The following EYA1 variants were observed in gnomAD, a reference collection of about 807,000 sequenced individuals.
The protein encoded by EYA1 is EYA transcriptional coactivator and phosphatase 1, also known as protein phosphatase EYA1.
Under a neutral mutation model 82.0 loss-of-function variants are expected in EYA1, and 16 were observed. The observed-to-expected ratio is 0.20, with a 90% CI of 0.13 to 0.30. The LOEUF (loss-of-function observed/expected upper bound fraction) is 0.30. Ranked by LOEUF, EYA1 falls within the 10% of genes least tolerant of loss-of-function variation. The pLI, the probability that EYA1 is intolerant of heterozygous loss-of-function variation, is 1.00. For synonymous variants in EYA1, 261 were observed against 264.4 expected, an observed-to-expected ratio of 0.99 and a Z score of 0.12; for missense variants, 633 against 730.7, an observed-to-expected ratio of 0.87 and a Z score of 1.54.
intron 7 of EYA1, among the ~76,000 whole-genome samples, chr8:71,307,115 G>A (rs958757400): frequency 1.2e-4 from 18 of 152,064 alleles, no homozygotes; most frequent in African/African-American, 3.9e-4. Context: ...TGGTGGGGAG[G>A]GGGACAGTTT....
intron 1 of EYA1, among the ~76,000 whole-genome samples, chr8:71,541,145 A>G (rs1815105820): frequency 6.6e-6 from 1 of 152,172 alleles, no homozygotes; most frequent in Non-Finnish European, 1.5e-5. Flanking sequence ...TACTCAGATG[A>G]GTCAGACTCA....
chr8:71,209,184 C>A (rs1291409983), intron 17 of EYA1, among the ~76,000 whole-genome samples: 1 of 152,178 alleles, frequency 6.6e-6, no homozygotes, highest in Non-Finnish European at 1.5e-5. Context: ...CTTGGGAATG[C>A]CAGAGGCTTT....
At chr8:71,488,114 T>C (rs564657215) in intron 2 of EYA1, among the ~76,000 whole-genome samples, 91 of 152,246 alleles carry the variant, frequency 6.0e-4, no homozygotes, top group African/African-American at 2.1e-3. Flanking sequence ...TTATGATGTA[T>C]TCATGTGATA....
chr8:71,471,092 C>T (rs1809166788), intron 2 of EYA1, among the ~76,000 whole-genome samples: 1 of 151,910 alleles, frequency 6.6e-6, no homozygotes, highest in Non-Finnish European at 1.5e-5. Flanking sequence ...TTTGGTGGTC[C>T]TGTTTCAAGC....
intron 11 of EYA1, among the ~76,000 whole-genome samples, chr8:71,263,264 A>G (rs898383719): frequency 6.6e-6 from 1 of 152,132 alleles, no homozygotes; most frequent in African/African-American, 2.4e-5. Flanking sequence ...CCTAGCTTAC[A>G]AAGCCTCCCA....
At chr8:71,321,190 G>A (rs953611584) in intron 6 of EYA1, among the ~76,000 whole-genome samples, 8 of 152,116 alleles carry the variant, frequency 5.3e-5, no homozygotes, top group African/African-American at 1.7e-4. Flanking sequence ...ATGTCCATGT[G>A]AGCCTTAAAT....
chr8:71,233,424 C>T (rs574282122), intron 12 of EYA1, among the ~76,000 whole-genome samples: 2,143 of 151,928 alleles, frequency 0.014, 50 homozygotes, highest in African/African-American at 0.049. Context: ...ATTAGTTGGG[C>T]GTGGTGGTGG....
intron 2 of EYA1, among the ~76,000 whole-genome samples, chr8:71,380,613 C>A (rs543991471): frequency 6.6e-6 from 1 of 152,158 alleles, no homozygotes; most frequent in East Asian, 1.9e-4. Flanking sequence ...AATGTCCAGC[C>A]CCTACTGTCT....
intron 11 of EYA1, among the ~76,000 whole-genome samples, chr8:71,256,183 T>G (rs532630338): frequency 2.6e-5 from 4 of 152,182 alleles, no homozygotes; most frequent in Non-Finnish European, 5.9e-5. Flanking sequence ...ATAATTACTA[T>G]ATGATCCCAC....
At chr8:71,532,749 A>T (rs2129285046) in intron 2 of EYA1, among the ~76,000 whole-genome samples, 1 of 152,326 alleles carries the variant, frequency 6.6e-6, no homozygotes, top group Non-Finnish European at 1.5e-5. Flanking sequence ...AGCAGGTGTA[A>T]TTCTGTGAGC....
chr8:71,401,142 G>T (rs56901350), intron 2 of EYA1, among the ~76,000 whole-genome samples: 23,683 of 152,072 alleles, frequency 0.16, 2,036 homozygotes, highest in African/African-American at 0.22. Flanking sequence ...TCAGGAGGGT[G>T]GTGGGAGGGA....
At chr8:71,221,573 C>T (rs892470817) in intron 12 of EYA1, among the ~76,000 whole-genome samples, 1 of 152,122 alleles carries the variant, frequency 6.6e-6, no homozygotes, top group Non-Finnish European at 1.5e-5. Flanking sequence ...ATATAATAAA[C>T]ATTTCTATTT....
chr8:71,266,587 G>A (rs140127947), intron 11 of EYA1, among the ~76,000 whole-genome samples: 6 of 152,282 alleles, frequency 3.9e-5, no homozygotes, highest in South Asian at 4.1e-4. Context: ...CAGGCTGACC[G>A]CAAGTGTTCA....
intron 2 of EYA1, among the ~76,000 whole-genome samples, chr8:71,472,935 G>A (rs1210585090): frequency 6.6e-6 from 1 of 151,434 alleles, no homozygotes; most frequent in African/African-American, 2.4e-5. Context: ...GTATATAATT[G>A]TTAAACAAAT....
Position 71,507,894 on chromosome 8 carries a change from CA to C in EYA1, c.33+27849del, listed in dbSNP as rs369990074. On this transcript the variant is annotated intron_variant, in intron 2 of 18. Transcript: ENST00000643681. Reference sequence around the variant, plus strand: ...CAAAGGAAAATCCTTGGCCTAACCTCAAAACATTGACAAATAAGTATACCCT... The same window carrying C: ...CAAAGGAAAATCCTTGGCCTAACCTCAAACATTGACAAATAAGTATACCCT... 6.5e-4 allele frequency among the ~76,000 whole-genome samples: 99 copies of C among 152,280 alleles called. No individual in the cohort carries two copies. The East Asian group carries it at 0.011, about 17-fold the overall frequency.
intron 2 of EYA1, among the ~76,000 whole-genome samples, chr8:71,495,602 ACT>A (rs1210049833): frequency 1.3e-5 from 2 of 152,140 alleles, no homozygotes; most frequent in Middle Eastern, 3.2e-3. Context: ...ACAGACCAAG[ACT>A]CTGTCTCAAA....
chr8:71,314,189 T>C (rs569285670), intron 7 of EYA1, among the ~76,000 whole-genome samples: 4 of 152,136 alleles, frequency 2.6e-5, no homozygotes, highest in Non-Finnish European at 5.9e-5. Context: ...ATTTTAGACA[T>C]TGTAGAAATT....
intron 3 of EYA1, among the ~76,000 whole-genome samples, chr8:71,348,992 A>C (rs980018398): frequency 1.6e-4 from 24 of 152,224 alleles, no homozygotes; most frequent in African/African-American, 5.8e-4. Flanking sequence ...ACACCGCCCC[A>C]ATCCAAATGT....
chr8:71,419,490 C>A (rs1177985525), intron 2 of EYA1, among the ~76,000 whole-genome samples: 3 of 152,082 alleles, frequency 2.0e-5, no homozygotes, highest in African/African-American at 7.2e-5. Flanking sequence ...ACTCAATTTT[C>A]TTTTCATAAA....
Sources: gnomAD v4.1 joint callset for allele counts (sites outside exome capture counted in the v4.1 genomes callset) on GRCh38, gnomAD v4.1.1 for gene constraint, MANE v1.5 for transcripts, NCBI Gene and HGNC (gene_info 2026-07-23, HGNC 2026-07-21) for gene names.